Variants in COL26A1 observed in about 807,000 individuals in gnomAD.
The protein encoded by COL26A1 is collagen alpha-1(XXVI) chain.
Under a neutral mutation model 59.3 loss-of-function variants are expected in COL26A1, and 41 were observed. That is an observed-to-expected ratio of 0.69 (90% confidence interval 0.54 to 0.90). The LOEUF (loss-of-function observed/expected upper bound fraction) is 0.90. COL26A1 is among the 40% of genes least tolerant of loss of function. COL26A1 has a pLI of 0.00. For synonymous variants in COL26A1, 266 were observed against 256.0 expected, an observed-to-expected ratio of 1.04 and a Z score of -0.37; for missense variants, 612 against 602.3, an observed-to-expected ratio of 1.02 and a Z score of -0.17.
intron 1 of COL26A1, among the ~76,000 whole-genome samples, chr7:101,364,991 C>T (rs1213940373): frequency 6.6e-6 from 1 of 152,122 alleles, no homozygotes; most frequent in Non-Finnish European, 1.5e-5. Context: ...TGGCTAATTC[C>T]TTAATAACAA....
At chr7:101,468,669 C>G (rs115916964) in intron 3 of COL26A1, among the ~76,000 whole-genome samples, 1 of 152,192 alleles carries the variant, frequency 6.6e-6, no homozygotes, top group African/African-American at 2.4e-5. Flanking sequence ...GTAGCATGTT[C>G]GGTGGTTAAA....
intron 11 of COL26A1, among the ~76,000 whole-genome samples, 170 bp from the exon 12 acceptor site, chr7:101,555,617 G>A (rs1022786523): frequency 2.1e-4 from 32 of 152,246 alleles, no homozygotes; most frequent in Admixed American, 2.0e-3. Context: ...AGCCCTGTCT[G>A]GCACATAGTT....
At chr7:101,423,666 C>T (rs757489325) in intron 2 of COL26A1, among the ~76,000 whole-genome samples, 2 of 151,810 alleles carry the variant, frequency 1.3e-5, no homozygotes, top group Non-Finnish European at 2.9e-5. Flanking sequence ...ACCTGGCAGG[C>T]GGAGGTTGCA....
At chr7:101,482,610 C>T (rs1228684751) in intron 3 of COL26A1, among the ~76,000 whole-genome samples, 6 of 152,090 alleles carry the variant, frequency 3.9e-5, no homozygotes, top group Non-Finnish European at 8.8e-5. Flanking sequence ...GCAGGTTAGC[C>T]CAGCACAAGT....
intron 3 of COL26A1, among the ~76,000 whole-genome samples, chr7:101,463,705 CTT>C (rs1365427246): frequency 1.1e-4 from 9 of 85,620 alleles, no homozygotes; most frequent in African/African-American, 4.4e-4. Flanking sequence ...TTTTCTCTCT[CTT>C]TCTTTCTTTT....
intron 3 of COL26A1, among the ~76,000 whole-genome samples, chr7:101,530,450 C>T (rs1338084395): frequency 6.7e-6 from 1 of 148,592 alleles, no homozygotes; most frequent in East Asian, 1.9e-4. Flanking sequence ...TGCCTGTAAT[C>T]CTAGCTACCC....
At chr7:101,404,440 C>T (rs57715150) in intron 1 of COL26A1, among the ~76,000 whole-genome samples, 5,801 of 151,894 alleles carry the variant, frequency 0.038, 118 homozygotes, top group East Asian at 0.043. Context: ...ACCCTCCCCC[C>T]CCAAATGGCT....
intron 3 of COL26A1, among the ~76,000 whole-genome samples, chr7:101,494,284 G>A (rs1262971860): frequency 6.6e-6 from 1 of 151,954 alleles, no homozygotes. Context: ...TTGCCACCAT[G>A]CCCGGCTAAT....
At chr7:101,374,289 G>A (rs959346737) in intron 1 of COL26A1, among the ~76,000 whole-genome samples, 1 of 152,150 alleles carries the variant, frequency 6.6e-6, no homozygotes, top group African/African-American at 2.4e-5. Context: ...GGAGAGCGGT[G>A]TGCGTTCTGG....
intron 3 of COL26A1, among the ~76,000 whole-genome samples, chr7:101,496,104 C>T (rs1285203827): frequency 1.3e-5 from 2 of 152,080 alleles, no homozygotes; most frequent in Non-Finnish European, 2.9e-5. Context: ...AAAAAGGCGG[C>T]TTAGCATGAC....
chr7:101,536,450 C>T (rs6959807), intron 4 of COL26A1, among the ~76,000 whole-genome samples: 19,736 of 152,276 alleles, frequency 0.13, 1,726 homozygotes, highest in African/African-American at 0.24. Flanking sequence ...GGCGAGTCTG[C>T]AGGAGCCAGG....
At chr7:101,549,829 G>A (rs2130677496) in intron 9 of COL26A1, among the ~76,000 whole-genome samples, 1 of 152,314 alleles carries the variant, frequency 6.6e-6, no homozygotes, top group African/African-American at 2.4e-5. Flanking sequence ...TGTACAGAGG[G>A]TGTAGGCAGA....
rs202164116 is a variant in COL26A1, at chr7:101,544,095, T to A, written c.702T>A (p.Pro234=). 168 of 1,598,082 alleles carry A rather than the reference T, an allele frequency of 1.1e-4. No individual in the cohort carries two copies. In the African/African-American group the frequency reaches 2.0e-3, roughly 19 times the overall value. ...GAGAGAAGGGTCCAGCGGGGCCGCC[T>A]GGTAAGAAAACCCCCCACATATGTG... ...QTGEKGPAGP[P]GLLGPPGPRG... Residue 234 remains proline, a splice_region_variant and synonymous_variant, in exon 6 of 13, where the codon CCT becomes CCA. Coordinates refer to ENST00000313669, the MANE Select transcript of COL26A1 (RefSeq NM_001278563.3).
At chr7:101,392,230 A>G (rs1426923355) in intron 1 of COL26A1, among the ~76,000 whole-genome samples, 3 of 152,078 alleles carry the variant, frequency 2.0e-5, no homozygotes, top group African/African-American at 7.2e-5. Flanking sequence ...TCCAGGTTGC[A>G]GGAAAACAGC....
chr7:101,495,522 C>T (rs1794566406), intron 3 of COL26A1, among the ~76,000 whole-genome samples: 1 of 151,958 alleles, frequency 6.6e-6, no homozygotes, highest in Non-Finnish European at 1.5e-5. Flanking sequence ...CATTCTCCTG[C>T]CTCGGCCTCC....
At chr7:101,536,005 A>T (rs966197174) in intron 4 of COL26A1, among the ~76,000 whole-genome samples, 1 of 152,094 alleles carries the variant, frequency 6.6e-6, no homozygotes, top group Non-Finnish European at 1.5e-5. Flanking sequence ...CTCCATGCCC[A>T]CGTATGTTGA....
intron 10 of COL26A1, among the ~76,000 whole-genome samples, chr7:101,551,745 CA>C (rs11351013): frequency 0.45 from 62,328 of 137,478 alleles, 13,615 homozygotes; most frequent in Middle Eastern, 0.58. Context: ...GACTCCATCT[CA>C]AAAAAAAAAA....
At chr7:101,367,203 A>G (rs1213413044) in intron 1 of COL26A1, among the ~76,000 whole-genome samples, 1 of 152,166 alleles carries the variant, frequency 6.6e-6, no homozygotes, top group African/African-American at 2.4e-5. Context: ...AGTCTACCAT[A>G]TTATATCAGG....
intron 3 of COL26A1, among the ~76,000 whole-genome samples, chr7:101,501,181 G>A (rs1342035547): frequency 1.3e-4 from 11 of 84,282 alleles, no homozygotes; most frequent in African/African-American, 6.2e-4. Context: ...GCGAGACTCC[G>A]TCTCAAAAAA....
Sources: gnomAD v4.1 joint callset for allele counts (sites outside exome capture counted in the v4.1 genomes callset) on GRCh38, gnomAD v4.1.1 for gene constraint, MANE v1.5 for transcripts, NCBI Gene and HGNC (gene_info 2026-07-23, HGNC 2026-07-21) for gene names.